The following MAPKAP1 variants were observed in gnomAD, a reference collection of about 807,000 sequenced individuals.
MAPKAP1 encodes the protein MAPK associated protein 1.
A neutral mutation model predicts 65.7 loss-of-function variants in MAPKAP1; 20 were observed. That is an observed-to-expected ratio of 0.30 (90% CI 0.21 to 0.44). MAPKAP1 has a LOEUF of 0.44. MAPKAP1 is among the 20% of genes least tolerant of loss of function. The pLI is 1.00. For missense variants in MAPKAP1, 423 were observed against 648.0 expected, an observed-to-expected ratio of 0.65 and a Z score of 3.77; for synonymous variants, 222 against 244.3, an observed-to-expected ratio of 0.91 and a Z score of 0.85.
chr9:125,631,782 T>C (rs1256543168), intron 4 of MAPKAP1, among the ~76,000 whole-genome samples: 1 of 152,180 alleles, frequency 6.6e-6, no homozygotes, highest in African/African-American at 2.4e-5. Context: ...TCACCTCAGA[T>C]GTTTACACCA....
chr9:125,703,208 T>C (rs911762812), intron 1 of MAPKAP1, among the ~76,000 whole-genome samples: 22 of 152,228 alleles, frequency 1.4e-4, no homozygotes, highest in African/African-American at 5.3e-4. Flanking sequence ...AGCCTACTCA[T>C]CCTAGTACAT....
At chr9:125,668,371 A>C (rs922062283) in intron 3 of MAPKAP1, among the ~76,000 whole-genome samples, 1 of 152,264 alleles carries the variant, frequency 6.6e-6, no homozygotes, top group African/African-American at 2.4e-5. Flanking sequence ...TAATGCATGT[A>C]AAGTACCTAG....
intron 5 of MAPKAP1, among the ~76,000 whole-genome samples, chr9:125,582,682 C>T (rs893714359): frequency 6.6e-6 from 1 of 152,180 alleles, no homozygotes; most frequent in African/African-American, 2.4e-5. Flanking sequence ...AGCCACAGAC[C>T]CAAGCAGCCT....
intron 1 of MAPKAP1, among the ~76,000 whole-genome samples, chr9:125,684,138 A>T (rs1834904507): frequency 6.6e-6 from 1 of 152,224 alleles, no homozygotes; most frequent in Non-Finnish European, 1.5e-5. Context: ...AATTTACCCA[A>T]TTCTAGATTC....
chr9:125,695,584 T>A (rs1835358277), intron 1 of MAPKAP1, among the ~76,000 whole-genome samples: 1 of 152,246 alleles, frequency 6.6e-6, no homozygotes, highest in South Asian at 2.1e-4. Context: ...TATGCTCAAA[T>A]ACTTCGGTAA....
At chr9:125,466,951 C>T (rs1347782167) in intron 10 of MAPKAP1, among the ~76,000 whole-genome samples, 1 of 152,258 alleles carries the variant, frequency 6.6e-6, no homozygotes, top group African/African-American at 2.4e-5. Flanking sequence ...AATCGTATTA[C>T]AAACACTCGC....
At chr9:125,483,779 T>A (rs1228369819) in intron 9 of MAPKAP1, among the ~76,000 whole-genome samples, 1 of 152,242 alleles carries the variant, frequency 6.6e-6, no homozygotes, top group Middle Eastern at 3.4e-3. Context: ...ACAGTAAAAA[T>A]ACCCCACCTT....
intron 1 of MAPKAP1, chr9:125,696,119 A>G (rs977888012): frequency 7.9e-5 from 12 of 152,244 alleles, no homozygotes; most frequent in African/African-American, 2.9e-4. Flanking sequence ...GCTATCAGAA[A>G]AACTGAAATC....
intron 4 of MAPKAP1, among the ~76,000 whole-genome samples, chr9:125,609,348 G>A (rs1212400395): frequency 6.6e-6 from 1 of 152,094 alleles, no homozygotes; most frequent in Non-Finnish European, 1.5e-5. Flanking sequence ...GGATATATAT[G>A]CTCAACTAAA....
intron 10 of MAPKAP1, among the ~76,000 whole-genome samples, chr9:125,459,103 C>T (rs1374959143): frequency 1.4e-5 from 2 of 143,282 alleles, no homozygotes; most frequent in African/African-American, 2.6e-5. Flanking sequence ...TCAGAAGGGG[C>T]GGCCGGGCAG....
intron 7 of MAPKAP1, among the ~76,000 whole-genome samples, chr9:125,538,011 A>C (rs146884809): frequency 1.3e-5 from 2 of 150,938 alleles, no homozygotes; most frequent in African/African-American, 4.9e-5. Context: ...GCAATCATCA[A>C]CTCTGTATTT....
chr9:125,595,403 G>T lies in MAPKAP1; in HGVS notation c.499-9676C>A. The T allele has an allele frequency of 3.0e-6, 1 of 330,934 alleles. No individual in the cohort carries two copies. Among genetic ancestry groups the T allele is most frequent in the Non-Finnish European group, 4.5e-6 (1 of 223,730 alleles). 20.5% of individuals were successfully genotyped at this position (330,934 alleles called of 1,614,324 possible). ...AATTGAAATGTATGTATTTGAACAT[G>T]CTGATGAATTAAAACATTATCTAGA... On this transcript the variant is annotated intron_variant, in intron 4 of 11. Transcript: ENST00000265960. The surrounding 1 kb of genome is among the most constrained non-coding windows in gnomAD (Gnocchi z 4.0).
chr9:125,502,002 A>G (rs1011017647), intron 8 of MAPKAP1, among the ~76,000 whole-genome samples: 4 of 151,060 alleles, frequency 2.6e-5, no homozygotes, highest in East Asian at 1.9e-4. Context: ...ATTAATTTCT[A>G]TTCTTCTCTT....
At chr9:125,542,822 G>T in intron 7 of MAPKAP1, 1 of 638,244 alleles carries the variant, frequency 1.6e-6, no homozygotes, top group Non-Finnish European at 2.9e-6. Flanking sequence ...AATTATTAAT[G>T]AAGGAACTTC....
intron 1 of MAPKAP1, among the ~76,000 whole-genome samples, chr9:125,697,597 A>G (rs1261876639): frequency 6.6e-6 from 1 of 152,172 alleles, no homozygotes; most frequent in Non-Finnish European, 1.5e-5. Flanking sequence ...TCTAATTTTT[A>G]TTGAACATTA....
intron 8 of MAPKAP1, among the ~76,000 whole-genome samples, chr9:125,495,055 A>G (rs1854889267): frequency 6.6e-6 from 1 of 152,242 alleles, no homozygotes; most frequent in Admixed American, 6.5e-5. Flanking sequence ...CTTGGAAGTT[A>G]GATTAGTGAC....
In MAPKAP1 at chr9:125,459,854, G is replaced by GGGGAGAGGGAGAGGGAGAGGGAGA. The variant is rs141623896; in HGVS notation, c.1345+8117_1345+8118insTCTCCCTCTCCCTCTCCCTCTCCC. On this transcript the variant is annotated intron_variant, in intron 10 of 11. Transcript: ENST00000265960. ...GGAAAGAGAGGGAGAGGGAGACCGTGGGGAGAGGGAGAGGGAGAGGGACGC... is the reference window on the plus strand; with the variant it reads ...GGAAAGAGAGGGAGAGGGAGACCGTGGGGAGAGGGAGAGGGAGAGGGAGAGGGAGAGGGAGAGGGAGAGGGACGC... Among the ~76,000 whole-genome samples the GGGGAGAGGGAGAGGGAGAGGGAGA allele has an allele frequency of 3.2e-3, 404 of 127,164 alleles. 4 individuals are homozygous for GGGGAGAGGGAGAGGGAGAGGGAGA. Among genetic ancestry groups the GGGGAGAGGGAGAGGGAGAGGGAGA allele is most frequent in the African/African-American group, 0.011 (373 of 32,902 alleles). The allele number at this position is 127,164 out of a possible 152,430, so 83.4% of individuals were successfully genotyped here. A position where few individuals can be genotyped will look rare whatever the true frequency, so the allele number is the denominator to read the frequency against.
At chr9:125,689,241 T>A (rs962429912) in intron 1 of MAPKAP1, among the ~76,000 whole-genome samples, 43 of 149,848 alleles carry the variant, frequency 2.9e-4, no homozygotes, top group African/African-American at 1.0e-3. Flanking sequence ...ATAGAGAACA[T>A]CCTGGCTAAC....
intron 9 of MAPKAP1, among the ~76,000 whole-genome samples, chr9:125,469,996 G>C (rs76133952): frequency 6.6e-6 from 1 of 152,016 alleles, no homozygotes; most frequent in East Asian, 1.9e-4. Flanking sequence ...AAAATGAGCC[G>C]AGCAGAATAA....
Sources: allele counts gnomAD v4.1 joint callset (sites outside exome capture counted in the v4.1 genomes callset), GRCh38; gene constraint gnomAD v4.1.1; non-coding constraint Gnocchi (gnomAD v3.1); transcripts MANE v1.5; gene names NCBI Gene and HGNC (gene_info 2026-07-23, HGNC 2026-07-21).